The following SOX5 variants were observed in gnomAD, a reference collection of about 807,000 sequenced individuals.
SOX5 encodes transcription factor SOX-5.
In SOX5, 9 loss-of-function variants were observed where a neutral mutation model predicts 92.0. That is an observed-to-expected ratio of 0.10 (90% confidence interval 0.06 to 0.17). The LOEUF (loss-of-function observed/expected upper bound fraction) is 0.17. Among genes scored for constraint, SOX5 ranks in the 10% least tolerant of loss-of-function variants. The probability of loss-of-function intolerance (pLI) is 1.00; values close to 1 mark genes in which losing one functional copy is unlikely to be tolerated. For missense variants in SOX5, 642 were observed against 944.5 expected, an observed-to-expected ratio of 0.68 and a Z score of 4.20; for synonymous variants, 344 against 336.3, an observed-to-expected ratio of 1.02 and a Z score of -0.25.
intron 4 of SOX5, among the ~76,000 whole-genome samples, chr12:24,082,473 G>C (rs1019814528): frequency 1.3e-5 from 1 of 76,760 alleles, no homozygotes; most frequent in African/African-American, 5.0e-5. Flanking sequence ...AAACAAGAAA[G>C]AACACATATT....
Position 23,577,137 on chromosome 12 carries a change from TTA to T in SOX5, c.1165-1301_1165-1300del, listed in dbSNP as rs748150313. On this transcript the variant is annotated intron_variant, in intron 9 of 14. Coordinates refer to ENST00000451604, the MANE Select transcript of SOX5 (RefSeq NM_006940.6). Reference sequence around the variant, plus strand: ...GTAAAATATGACATCGATATCAAGTTTATATATATATATACACACACACACAC... The same window carrying T: ...GTAAAATATGACATCGATATCAAGTTTATATATATATACACACACACACAC... Among the ~76,000 whole-genome samples the T allele has an allele frequency of 5.2e-4, 68 of 129,804 alleles. 1 individual carries two copies. Among genetic ancestry groups the T allele is most frequent in the Middle Eastern group, 4.1e-3 (1 of 242 alleles). The allele number at this position is 129,804 out of a possible 152,430, so 85.2% of individuals were successfully genotyped here. A position where few individuals can be genotyped will look rare whatever the true frequency, so the allele number is the denominator to read the frequency against.
At chr12:24,177,498 T>C (rs1954954063) in intron 4 of SOX5, among the ~76,000 whole-genome samples, 1 of 152,186 alleles carries the variant, frequency 6.6e-6, no homozygotes. Flanking sequence ...TAGAAATAGA[T>C]CTCAAGGTTT....
intron 3 of SOX5, chr12:24,227,329 G>C (rs1962288959): frequency 6.6e-6 from 1 of 152,218 alleles, no homozygotes; most frequent in Non-Finnish European, 1.5e-5. Flanking sequence ...AAGAACGTCT[G>C]TGTTCATGTT....
intron 3 of SOX5, among the ~76,000 whole-genome samples, chr12:24,240,641 T>A (rs568927933): frequency 3.9e-5 from 6 of 152,222 alleles, no homozygotes; most frequent in Admixed American, 3.3e-4. Context: ...AACACTTCAT[T>A]TTCTATCCCA....
intron 3 of SOX5, among the ~76,000 whole-genome samples, chr12:23,799,299 A>G (rs1415399000): frequency 1.3e-5 from 2 of 152,122 alleles, no homozygotes; most frequent in Admixed American, 6.6e-5. Context: ...CTGTTTGAAC[A>G]TTAGAGTCAG....
chr12:23,816,207 C>CTTTTTTTTTTT (rs11347313), intron 3 of SOX5, among the ~76,000 whole-genome samples: 2 of 129,652 alleles, frequency 1.5e-5, no homozygotes, highest in Non-Finnish European at 1.6e-5. Flanking sequence ...GACAAGATTT[C>CTTTTTTTTTTT]TTTTTTTTTT....
chr12:23,644,272 G>T (rs2080531224), intron 7 of SOX5, among the ~76,000 whole-genome samples: 1 of 152,118 alleles, frequency 6.6e-6, no homozygotes, highest in Non-Finnish European at 1.5e-5. Flanking sequence ...TTAATGAAGG[G>T]AGCTTGGAAC....
At chr12:24,255,271 T>C (rs113020765) in intron 3 of SOX5, among the ~76,000 whole-genome samples, 8 of 152,278 alleles carry the variant, frequency 5.3e-5, no homozygotes, top group African/African-American at 1.4e-4. Context: ...CAAGAAGCAA[T>C]TGTTGCCCCT....
chr12:24,146,555 C>T (rs1039753630), intron 4 of SOX5, among the ~76,000 whole-genome samples: 14 of 151,666 alleles, frequency 9.2e-5, no homozygotes, highest in Non-Finnish European at 1.3e-4. Flanking sequence ...CCATGACCTC[C>T]GTTTCCACTG....
chr12:24,038,569 C>T (rs1956257277), intron 4 of SOX5, among the ~76,000 whole-genome samples: 1 of 152,064 alleles, frequency 6.6e-6, no homozygotes, highest in African/African-American at 2.4e-5. Context: ...TCAACCCCTA[C>T]TTAGCTTAGC....
chr12:23,989,435 A>G (rs1333919593), intron 4 of SOX5, among the ~76,000 whole-genome samples: 4 of 152,056 alleles, frequency 2.6e-5, no homozygotes, highest in Non-Finnish European at 5.9e-5. Context: ...GACTTTTAGT[A>G]TGATTGACTG....
At chr12:24,232,223 G>T (rs543786222) in intron 3 of SOX5, among the ~76,000 whole-genome samples, 39 of 152,070 alleles carry the variant, frequency 2.6e-4, no homozygotes, top group African/African-American at 9.4e-4. Context: ...TCATCTTCCT[G>T]TTTATGTAAC....
chr12:23,668,271 T>A (rs890414778), intron 6 of SOX5, among the ~76,000 whole-genome samples: 1 of 152,198 alleles, frequency 6.6e-6, no homozygotes, highest in Admixed American at 6.6e-5. Flanking sequence ...ATATATTGAT[T>A]AGCTGAAGAA....
intron 4 of SOX5, among the ~76,000 whole-genome samples, chr12:24,176,977 G>GTTTTTTTTT (rs11295163): frequency 3.0e-5 from 4 of 135,098 alleles, no homozygotes; most frequent in Non-Finnish European, 6.4e-5. Context: ...TTTGTTTTTT[G>GTTTTTTTTT]TTTTTTTTTT....
chr12:24,301,749 G>A (rs992832792), intron 2 of SOX5, among the ~76,000 whole-genome samples: 1 of 152,136 alleles, frequency 6.6e-6, no homozygotes, highest in African/African-American at 2.4e-5. Flanking sequence ...TGTCCTGGGT[G>A]GAGGATGAAG....
intron 2 of SOX5, among the ~76,000 whole-genome samples, chr12:24,288,126 A>T (rs1180735863): frequency 6.6e-6 from 1 of 152,270 alleles, no homozygotes; most frequent in East Asian, 1.9e-4. Flanking sequence ...GAGGGTGATT[A>T]TGTCCCTGGG....
chr12:24,313,547 A>T (rs1301330709), intron 2 of SOX5, among the ~76,000 whole-genome samples: 1 of 152,132 alleles, frequency 6.6e-6, no homozygotes, highest in African/African-American at 2.4e-5. Context: ...TACAAAAAAA[A>T]GTTGCTGCTT....
At chr12:24,345,903 T>C (rs2141114246) in intron 2 of SOX5, among the ~76,000 whole-genome samples, 1 of 152,308 alleles carries the variant, frequency 6.6e-6, no homozygotes, top group East Asian at 1.9e-4. Flanking sequence ...GCACACTTAT[T>C]CTGTTGCTCT....
intron 8 of SOX5, among the ~76,000 whole-genome samples, chr12:23,635,344 G>T (rs1211661526): frequency 6.6e-6 from 1 of 152,136 alleles, no homozygotes; most frequent in African/African-American, 2.4e-5. Flanking sequence ...AAGAGGACAT[G>T]ACAAAATTTT....
Sources: allele counts gnomAD v4.1 joint callset (sites outside exome capture counted in the v4.1 genomes callset), GRCh38; gene constraint gnomAD v4.1.1; transcripts MANE v1.5; gene names NCBI Gene and HGNC (gene_info 2026-07-23, HGNC 2026-07-21).